Variants in ZC3H7A observed in about 807,000 individuals in gnomAD.
ZC3H7A encodes the protein zinc finger CCCH-type containing 7A.
ZC3H7A carries 44 observed loss-of-function variants against 125.5 expected under a neutral mutation model. That is an observed-to-expected ratio of 0.35 (90% CI 0.28 to 0.45). The LOEUF is 0.45. ZC3H7A is among the 20% of genes least tolerant of loss of function. The pLI, the probability that ZC3H7A is intolerant of heterozygous loss-of-function variation, is 1.00. For synonymous variants in ZC3H7A, 399 were observed against 391.2 expected, an observed-to-expected ratio of 1.02 and a Z score of -0.23; for missense variants, 977 against 1,170.7, an observed-to-expected ratio of 0.83 and a Z score of 2.41.
At chr16:11,764,113 C>T (rs1419273645) in intron 15 of ZC3H7A, among the ~76,000 whole-genome samples, 1 of 151,540 alleles carries the variant, frequency 6.6e-6, no homozygotes, top group Admixed American at 6.6e-5. Context: ...AAATTTTTAT[C>T]GGAAAAAAAA....
rs200241879 is a variant in ZC3H7A, at chr16:11,769,784, CTT to C, written c.1109-691_1109-690del. 3.1e-4 allele frequency among the ~76,000 whole-genome samples: 19 copies of C among 61,618 alleles called. No homozygotes were observed. In the South Asian group the frequency reaches 4.4e-3, roughly 14 times the overall value. The allele number at this position is 61,618 out of a possible 152,430, so 40.4% of individuals were successfully genotyped here. Reference sequence around the variant, plus strand: ...AATCAGTAAAGTTTTCAATTGCTTTCTTTTTTTTTTTTTTTTTTTTTTTGAGA... The same window carrying C: ...AATCAGTAAAGTTTTCAATTGCTTTCTTTTTTTTTTTTTTTTTTTTTGAGA... On this transcript the variant is annotated intron_variant, in intron 10 of 22. Transcript: ENST00000355758.
At chr16:11,767,960 T>C (rs958391129) in intron 12 of ZC3H7A, among the ~76,000 whole-genome samples, 3 of 152,236 alleles carry the variant, frequency 2.0e-5, no homozygotes, top group African/African-American at 4.8e-5. Flanking sequence ...TATTGTATAC[T>C]GGTCTTATAA....
intron 1 of ZC3H7A, among the ~76,000 whole-genome samples, chr16:11,794,232 T>C (rs1225138663): frequency 2.6e-5 from 4 of 152,196 alleles, no homozygotes; most frequent in Non-Finnish European, 5.9e-5. Context: ...ACTCTCACCT[T>C]CTTACCAAAT....
intron 16 of ZC3H7A, chr16:11,762,966 A>T (rs966153410): frequency 6.3e-6 from 3 of 477,870 alleles, no homozygotes; most frequent in Non-Finnish European, 1.1e-5. Context: ...CAACAATTGC[A>T]TGTATCAACT....
chr16:11,779,149 T>A lies in ZC3H7A; in HGVS notation c.306+17A>T, dbSNP rs747302823. 22 of 1,560,000 alleles carry A rather than the reference T, an allele frequency of 1.4e-5. No homozygotes were observed. The highest frequency in any genetic ancestry group is 1.6e-5 in the Non-Finnish European group (18 of 1,145,726). On this transcript the variant is annotated intron_variant, in intron 4 of 22. Coordinates refer to ENST00000355758, the MANE Select transcript of ZC3H7A (RefSeq NM_014153.4). ...TCTTTTCACTCTAGAAACATCATTT[T>A]AAAAATTACAACTCACCATATTAGA...
At chr16:11,784,537 A>G (rs3972316) in intron 1 of ZC3H7A, among the ~76,000 whole-genome samples, 11,023 of 151,758 alleles carry the variant, frequency 0.073, 469 homozygotes, top group Middle Eastern at 0.11. Flanking sequence ...TGGGCAACAC[A>G]GGGAGACCCC....
intron 4 of ZC3H7A, among the ~76,000 whole-genome samples, chr16:11,777,558 C>T (rs1462862684): frequency 6.6e-6 from 1 of 151,384 alleles, no homozygotes; most frequent in Non-Finnish European, 1.5e-5. Context: ...CCCATCTCTA[C>T]TAAAAATACA....
At chr16:11,751,985 A>G (rs1456756519) in intron 22 of ZC3H7A, among the ~76,000 whole-genome samples, 3 of 150,372 alleles carry the variant, frequency 2.0e-5, no homozygotes, top group Non-Finnish European at 4.4e-5. Flanking sequence ...GGCTCACTAC[A>G]ACCTCCACCT....
At chr16:11,760,702 G>A (rs574776645) in intron 19 of ZC3H7A, among the ~76,000 whole-genome samples, 6 of 152,242 alleles carry the variant, frequency 3.9e-5, no homozygotes, top group Admixed American at 3.3e-4. Flanking sequence ...GTCTGCTAAC[G>A]CACGTGTGAA....
At position 11,751,448 on chromosome 16, in the gene ZC3H7A, C is replaced by T. The variant is rs761828148; in HGVS notation, c.2785G>A (p.Glu929Lys). 1.2e-6 allele frequency: 2 copies of T among 1,614,112 alleles called. No individual in the cohort carries two copies. The highest frequency in any genetic ancestry group is 1.7e-5 in the Admixed American group (1 of 60,010). The change falls in exon 23 of 23, where the codon GAA (glutamate) becomes AAA (lysine). Residue 929 changes from glutamate to lysine, a missense_variant. Coordinates refer to ENST00000355758, the MANE Select transcript of ZC3H7A (RefSeq NM_014153.4). Reference protein sequence around the residue: ...NSCKFAHGNAELHEWEERRDA... With the variant: ...NSCKFAHGNAKLHEWEERRDA... ...CTTCTTTCTTCCCATTCATGAAGTT[C>T]GGCATTTCCATGTGCAAATTTACAG...
At chr16:11,783,276 A>G (rs1032439976) in intron 1 of ZC3H7A, among the ~76,000 whole-genome samples, 3 of 152,110 alleles carry the variant, frequency 2.0e-5, no homozygotes, top group African/African-American at 7.2e-5. Context: ...AATTTTCTGG[A>G]TATTAAAATG....
chr16:11,785,630 T>C lies in ZC3H7A; in HGVS notation c.-34-3242A>G, dbSNP rs536150298. Among the ~76,000 whole-genome samples the C allele has an allele frequency of 2.0e-4, 30 of 152,270 alleles. No homozygotes were observed. The South Asian group carries it at 6.2e-3, about 32-fold the overall frequency. On this transcript the variant is annotated intron_variant, in intron 1 of 22. Coordinates refer to ENST00000355758, the MANE Select transcript of ZC3H7A (RefSeq NM_014153.4). Reference sequence around the variant, plus strand: ...TCCATATGACCCATTTTGTTTTGTTTTGTTTTTTGAGACAGAGTCTCACTT... The same window carrying C: ...TCCATATGACCCATTTTGTTTTGTTCTGTTTTTTGAGACAGAGTCTCACTT...
Position 11,762,709 on chromosome 16 carries a change from A to G in ZC3H7A, c.2041T>C (p.Tyr681His). 4 of 1,614,040 alleles carry G rather than the reference A, an allele frequency of 2.5e-6. No homozygotes were observed. The highest frequency in any genetic ancestry group is 3.4e-6 in the Non-Finnish European group (4 of 1,180,018). The part of the protein sequence containing the change: ...HDAIAQESKR[Y>H]WQNLEANVPG... Reference sequence around the variant, plus strand: ...ACATTTGCTTCCAAATTCTGCCAATATCGTTTAGACTCTTGAGCAATAGCA... The same window carrying G: ...ACATTTGCTTCCAAATTCTGCCAATGTCGTTTAGACTCTTGAGCAATAGCA... The change falls in exon 17 of 23, where the codon TAT becomes CAT. Residue 681 changes from tyrosine (Y) to histidine (H), a missense_variant. Coordinates refer to ENST00000355758, the MANE Select transcript of ZC3H7A (RefSeq NM_014153.4).
rs533267305 is a variant in ZC3H7A at position 11,782,494 on chromosome 16, T to A, written c.-34-106A>T. 4.3e-5 allele frequency: 40 copies of A among 924,988 alleles called. 1 individual carries two copies. The South Asian group carries it at 5.9e-4, about 14-fold the overall frequency. The allele number at this position is 924,988 out of a possible 1,614,324, so 57.3% of individuals were successfully genotyped here. ...TGTCACACAATCAGCTGTGGACACA[T>A]CCATTTCTGACTTGACTCCAGGGTC... On this transcript the variant is annotated intron_variant, in intron 1 of 22. Coordinates refer to ENST00000355758, the MANE Select transcript of ZC3H7A (RefSeq NM_014153.4).
Position 11,765,422 on chromosome 16 carries a change from G to A in ZC3H7A, c.1719+67C>T. On this transcript the variant is annotated intron_variant, in intron 14 of 22. Coordinates refer to ENST00000355758, the MANE Select transcript of ZC3H7A (RefSeq NM_014153.4). This position sits in a 1 kb window ranked among gnomAD's most constrained non-coding sequence, Gnocchi z 4.8. ...TTACCAAGTGAATGTTTTATCACAT[G>A]GCAGGACAATACCACTGGGCTTGCA... 8.4e-7 allele frequency: 1 copy of A among 1,191,590 alleles called. No homozygotes were observed. The highest frequency in any genetic ancestry group is 2.5e-5 in the East Asian group (1 of 40,770). The allele number at this position is 1,191,590 out of a possible 1,614,324, so 73.8% of individuals were successfully genotyped here.
At chr16:11,771,072 CATT>C (rs1189276270) in intron 9 of ZC3H7A, 85 bp from the exon 10 acceptor site, 1 of 1,267,522 alleles carries the variant, frequency 7.9e-7, no homozygotes, top group Non-Finnish European at 1.1e-6. Context: ...CAAATAAAAG[CATT>C]ATTACACTGG....
Position 11,770,907 on chromosome 16 carries a change from G to T in ZC3H7A, c.984C>A (p.Thr328=), listed in dbSNP as rs2052968157. 1 of 1,614,040 alleles carries T rather than the reference G, an allele frequency of 6.2e-7. No homozygotes were observed. Among genetic ancestry groups the T allele is most frequent in the Non-Finnish European group, 8.5e-7 (1 of 1,180,004 alleles). ...SMPFSASLLG[T]LPIGARYAPP... is the part of the protein sequence containing the mutation. ...GAGCATACCTCGCACCAATGGGTAAGGTTCCTAACAGCGATGCCGAAAAGG... is the reference window on the plus strand; with the variant it reads ...GAGCATACCTCGCACCAATGGGTAATGTTCCTAACAGCGATGCCGAAAAGG... The change falls in exon 10 of 23, where the codon ACC becomes ACA. Residue 328 remains threonine, a synonymous_variant. Coordinates refer to ENST00000355758, the MANE Select transcript of ZC3H7A (RefSeq NM_014153.4).
intron 10 of ZC3H7A, 61 bp downstream of exon 10, chr16:11,770,721 AC>A (rs957764089): frequency 6.8e-7 from 1 of 1,468,534 alleles, no homozygotes; most frequent in Non-Finnish European, 9.3e-7. Context: ...TAATTGCCAA[AC>A]AAACATTTTC....
chr16:11,763,125 T>C, intron 16 of ZC3H7A: 1 of 250,736 alleles, frequency 4.0e-6, no homozygotes. Flanking sequence ...TTTTTTTTTT[T>C]TTGAGACAGT....
Sources: allele counts gnomAD v4.1 joint callset (sites outside exome capture counted in the v4.1 genomes callset), GRCh38; gene constraint gnomAD v4.1.1; non-coding constraint Gnocchi (gnomAD v3.1); transcripts MANE v1.5; gene names NCBI Gene and HGNC (gene_info 2026-07-23, HGNC 2026-07-21).